The following KIF13B variants were observed in gnomAD, a reference collection of about 807,000 sequenced individuals.
The protein encoded by KIF13B is kinesin-like protein KIF13B.
Under a neutral mutation model 222.0 loss-of-function variants are expected in KIF13B, and 127 were observed. That is an observed-to-expected ratio of 0.57 (90% confidence interval 0.50 to 0.66). The LOEUF (loss-of-function observed/expected upper bound fraction) is 0.66. KIF13B is among the 30% of genes least tolerant of loss of function. The pLI is 0.00. For missense variants in KIF13B, 2,173 were observed against 2,379.0 expected, an observed-to-expected ratio of 0.91 and a Z score of 1.80; for synonymous variants, 976 against 919.0, an observed-to-expected ratio of 1.06 and a Z score of -1.12.
intron 14 of KIF13B, among the ~76,000 whole-genome samples, chr8:29,150,751 T>C (rs1251336600): frequency 1.3e-5 from 2 of 152,192 alleles, no homozygotes; most frequent in Non-Finnish European, 2.9e-5. Flanking sequence ...ACCTCTCTAA[T>C]TGTTTTTGGA....
intron 4 of KIF13B, among the ~76,000 whole-genome samples, chr8:29,188,908 T>C (rs941334897): frequency 6.6e-6 from 1 of 152,160 alleles, no homozygotes; most frequent in Non-Finnish European, 1.5e-5. Context: ...TATCTGAAAT[T>C]TATACTTGGG....
chr8:29,092,394 T>A (rs1441462443), intron 37 of KIF13B, among the ~76,000 whole-genome samples: 1 of 152,284 alleles, frequency 6.6e-6, no homozygotes, highest in Admixed American at 6.5e-5. Flanking sequence ...AAAAAACAAA[T>A]GAAATCAAAA....
At position 29,123,395 on chromosome 8, in the gene KIF13B, G is replaced by C. The variant is rs375072556; in HGVS notation, c.3450C>G (p.Gly1150=). 4 of 1,613,996 alleles carry C rather than the reference G, an allele frequency of 2.5e-6. No individual in the cohort carries two copies. The highest frequency in any genetic ancestry group is 2.5e-6 in the Non-Finnish European group (3 of 1,179,904). ...CTGCTGGGGCCCCTGGAATACCACTGCCAGCAGAGGGGACCATCACCGCGT... is the reference window on the plus strand; with the variant it reads ...CTGCTGGGGCCCCTGGAATACCACTCCCAGCAGAGGGGACCATCACCGCGT... ...ERNAVMVPSA[G]SGIPGAPAEW... Residue 1150 remains glycine, a synonymous_variant, in exon 28 of 40, where the codon GGC becomes GGG. Coordinates refer to ENST00000524189, the MANE Select transcript of KIF13B (RefSeq NM_015254.4).
chr8:29,116,444 G>A (rs1809601184), intron 31 of KIF13B, among the ~76,000 whole-genome samples: 2 of 152,086 alleles, frequency 1.3e-5, no homozygotes, highest in Middle Eastern at 3.4e-3. Flanking sequence ...ACTCCAGCCT[G>A]AGCAACAGAG....
intron 2 of KIF13B, among the ~76,000 whole-genome samples, chr8:29,215,828 TA>T (rs1814453824): frequency 6.6e-6 from 1 of 152,248 alleles, no homozygotes; most frequent in Non-Finnish European, 1.5e-5. Context: ...AAAGCAAATT[TA>T]TAATCTTGGT....
At chr8:29,176,839 A>G (rs1812501092) in intron 9 of KIF13B, among the ~76,000 whole-genome samples, 1 of 151,784 alleles carries the variant, frequency 6.6e-6, no homozygotes, top group Admixed American at 6.6e-5. Flanking sequence ...CCTCAACAAA[A>G]CCTAAAATGA....
chr8:29,260,729 G>A (rs534159271), intron 1 of KIF13B, among the ~76,000 whole-genome samples: 3 of 151,902 alleles, frequency 2.0e-5, no homozygotes, highest in South Asian at 4.2e-4. Flanking sequence ...CTATTCTCCC[G>A]CCTCAGCCTC....
intron 2 of KIF13B, among the ~76,000 whole-genome samples, chr8:29,238,202 C>A (rs1036016436): frequency 1.3e-5 from 2 of 152,198 alleles, no homozygotes; most frequent in Non-Finnish European, 1.5e-5. Context: ...AAGTCATTAT[C>A]TAATATGACC....
At position 29,165,757 on chromosome 8, in the gene KIF13B, C is replaced by G; in HGVS notation, c.1174G>C (p.Glu392Gln). ...LTKAEAMKSPELKDRLEESEK... is the reference protein window; with the variant it reads ...LTKAEAMKSPQLKDRLEESEK... ...GATTCTTCCAGCCGGTCCTTTAGCT[C>G]TGGAGATTTCATTGCCTACAAGCAA... The change falls in exon 12 of 40, where the codon GAG becomes CAG. Residue 392 changes from glutamate (E) to glutamine (Q), a missense_variant. Glu to Gln is a conservative substitution (Grantham distance 29, BLOSUM62 2). Around this residue, in one of 2 missense-constraint regions of KIF13B, gnomAD observed 1,480 missense variants for 1,722.8 expected, o/e 0.86. Transcript: ENST00000524189. 6.2e-7 allele frequency: 1 copy of G among 1,613,042 alleles called. No individual in the cohort carries two copies. Among genetic ancestry groups the G allele is most frequent in the Non-Finnish European group, 8.5e-7 (1 of 1,179,044 alleles).
rs1366493338 is a variant in KIF13B at position 29,069,800 on chromosome 8, A to G, written c.*704T>C. 2.0e-5 allele frequency: 3 copies of G among 152,406 alleles called. No homozygotes were observed. The highest frequency in any genetic ancestry group is 2.1e-4 in the South Asian group (1 of 4,836). The allele number at this position is 152,406 out of a possible 1,614,324, so 9.4% of individuals were successfully genotyped here. A position where few individuals can be genotyped will look rare whatever the true frequency, so the allele number is the denominator to read the frequency against. On this transcript the variant is annotated 3_prime_UTR_variant, in exon 40 of 40. Transcript: ENST00000524189. The stretch of plus-strand genomic sequence containing the variant: ...TCTGTGAAGGGAATAAACGGCAAAC[A>G]TAAGAGACTTTCCAGGTGTCTAAAG...
rs776668264 is a variant in KIF13B at position 29,160,821 on chromosome 8, G to A, written c.1316C>T (p.Ser439Leu). ...TTTATCATCCCCAACTTTGATTCCC[G>A]AAGACTGAAGAGATATTCCAAGACT... ...LESLGISLQS[S>L]GIKVGDDKCF... Residue 439 changes from serine to leucine, a missense_variant, in exon 13 of 40, where the codon TCG becomes TTG. Transcript: ENST00000524189. The A allele has an allele frequency of 2.5e-5, 41 of 1,613,190 alleles. No individual in the cohort carries two copies. Among genetic ancestry groups the A allele is most frequent in the Middle Eastern group, 1.6e-4 (1 of 6,080 alleles).
chr8:29,235,301 C>T (rs1815460483), intron 2 of KIF13B, among the ~76,000 whole-genome samples: 1 of 152,198 alleles, frequency 6.6e-6, no homozygotes, highest in African/African-American at 2.4e-5. Flanking sequence ...TGTCGTCCAT[C>T]TGCACCGTCC....
chr8:29,108,238 T>G, intron 34 of KIF13B, 46 bp from the exon 35 acceptor site: 1 of 1,576,892 alleles, frequency 6.3e-7, no homozygotes. Context: ...CATCAGAGCA[T>G]ACACGTGGTC....
At chr8:29,101,052 C>T (rs980228425) in intron 35 of KIF13B, among the ~76,000 whole-genome samples, 10 of 152,200 alleles carry the variant, frequency 6.6e-5, no homozygotes, top group Admixed American at 2.0e-4. Flanking sequence ...GAGAGCAACA[C>T]GTGATCATCG....
intron 1 of KIF13B, among the ~76,000 whole-genome samples, chr8:29,251,173 A>G (rs1563828293): frequency 3.3e-5 from 5 of 152,166 alleles, no homozygotes; most frequent in Admixed American, 2.6e-4. Flanking sequence ...AGGCAAAACA[A>G]TGATTAAATA....
In KIF13B at chr8:29,127,179, G is replaced by A. The variant is rs1394772217; in HGVS notation, c.3165C>T (p.Gly1055=). 3 of 1,613,808 alleles carry A rather than the reference G, an allele frequency of 1.9e-6. No individual in the cohort carries two copies. Among genetic ancestry groups the A allele is most frequent in the South Asian group, 2.2e-5 (2 of 91,088 alleles). The change falls in exon 25 of 40, where the codon GGC becomes GGT. Residue 1055 remains glycine, a synonymous_variant. Coordinates refer to ENST00000524189, the MANE Select transcript of KIF13B (RefSeq NM_015254.4). ...GCGGTCTAACTTTGACACATCCAAT[G>A]CCAACAGACAGTATACATTCTTCCA... The part of the protein sequence containing the change: ...PLMEECILSV[G]IGCVKVRPLR...
At chr8:29,263,233 C>T, upstream of KIF13B, 1 of 544,718 alleles carries the variant, frequency 1.8e-6, no homozygotes, top group Non-Finnish European at 3.2e-6. Flanking sequence ...GGCGGGGCCG[C>T]AGCGAAGGCG....
chr8:29,126,364 C>G, intron 26 of KIF13B, 118 bp downstream of exon 26: 1 of 712,304 alleles, frequency 1.4e-6, no homozygotes, highest in South Asian at 1.9e-5. Context: ...TTTAAAACAA[C>G]AAAAAAATCA....
chr8:29,075,385 A>C (rs747599048), intron 37 of KIF13B, 42 bp from the exon 38 acceptor site: 2 of 1,529,266 alleles, frequency 1.3e-6, no homozygotes, highest in South Asian at 1.2e-5. Context: ...AGAGGACAGA[A>C]CAGGGGTAGC....
Sources: gnomAD v4.1 joint callset for allele counts (sites outside exome capture counted in the v4.1 genomes callset) on GRCh38, gnomAD v4.1.1 for gene constraint, gnomAD v4.1.1 regional missense constraint, MANE v1.5 for transcripts, NCBI Gene and HGNC (gene_info 2026-07-23, HGNC 2026-07-21) for gene names.